Variants in CEP295 observed in about 807,000 individuals in gnomAD.
The protein encoded by CEP295 is centrosomal protein of 295 kDa.
Under a neutral mutation model 291.6 loss-of-function variants are expected in CEP295, and 190 were observed. The observed-to-expected ratio is 0.65, with a 90% CI of 0.58 to 0.73. The LOEUF (loss-of-function observed/expected upper bound fraction) is 0.73. Ranked by LOEUF, CEP295 falls within the 30% of genes least tolerant of loss-of-function variation. CEP295 has a pLI of 0.00. For synonymous variants in CEP295, 993 were observed against 1,038.8 expected (o/e 0.96, Z 0.85); for missense variants, 2,863 against 2,949.4 (o/e 0.97, Z 0.68).
intron 9 of CEP295, among the ~76,000 whole-genome samples, chr11:93,685,781 G>A (rs566552106): frequency 6.6e-6 from 1 of 152,248 alleles, no homozygotes; most frequent in East Asian, 1.9e-4. Context: ...CACGATCTTG[G>A]CTCACCACAA....
intron 1 of CEP295, among the ~76,000 whole-genome samples, chr11:93,662,009 G>C (rs759679268): frequency 6.6e-6 from 1 of 152,324 alleles, no homozygotes; most frequent in East Asian, 1.9e-4. Flanking sequence ...GAGGCTTTGC[G>C]CGCTCTCCTG....
chr11:93,695,122 T>C (rs1367414603), intron 12 of CEP295, among the ~76,000 whole-genome samples: 3 of 152,394 alleles, frequency 2.0e-5, no homozygotes, highest in East Asian at 3.9e-4. Flanking sequence ...ATTTAATTTC[T>C]TTAGTCATTA....
In CEP295 at chr11:93,700,006, A is replaced by G. The variant is rs1427685004; in HGVS notation, c.5094A>G (p.Ser1698=). The G allele has an allele frequency of 6.4e-7, 1 of 1,551,786 alleles. No individual in the cohort carries two copies. The highest frequency in any genetic ancestry group is 1.4e-5 in the African/African-American group (1 of 73,178). ...TTCAAGATAGACTTTTGAGTTTTTC[A>G]CAGTCTGTCTTAACTCAGCAAGATA... ...PGFQDRLLSF[S]QSVLTQQDNL... is the part of the protein sequence containing the mutation. The change falls in exon 15 of 30, where the codon TCA becomes TCG. Residue 1698 remains serine, a synonymous_variant. Transcript: ENST00000325212.
At chr11:93,720,442 C>A (rs994135612) in intron 18 of CEP295, among the ~76,000 whole-genome samples, 1 of 138,144 alleles carries the variant, frequency 7.2e-6, no homozygotes, top group African/African-American at 2.7e-5. Context: ...CCACTGCATT[C>A]CAGCCTGGGT....
intron 5 of CEP295, among the ~76,000 whole-genome samples, chr11:93,674,639 C>A (rs1165606055): frequency 4.6e-5 from 7 of 152,228 alleles, no homozygotes; most frequent in African/African-American, 1.7e-4. Flanking sequence ...ACCCACTTTT[C>A]TTGAGAAAGC....
chr11:93,718,015 G>T (rs545347924), intron 18 of CEP295, among the ~76,000 whole-genome samples: 9 of 152,182 alleles, frequency 5.9e-5, no homozygotes, highest in African/African-American at 1.4e-4. Context: ...AGGCTCAATT[G>T]ATCCTCCCAC....
chr11:93,681,055 A>G (rs1053103811), intron 7 of CEP295, among the ~76,000 whole-genome samples: 3 of 152,230 alleles, frequency 2.0e-5, no homozygotes, highest in Non-Finnish European at 4.4e-5. Context: ...TTAAACCTAT[A>G]GTAAAACAGA....
At chr11:93,728,167 A>G (rs1457724667) in intron 24 of CEP295, 1 of 155,052 alleles carries the variant, frequency 6.4e-6, no homozygotes, top group African/African-American at 2.4e-5. Flanking sequence ...TTCATCTAGC[A>G]GTATGTGCAG....
chr11:93,700,419 G>C, intron 15 of CEP295, among the ~76,000 whole-genome samples: 1 of 139,900 alleles, frequency 7.1e-6, no homozygotes, highest in South Asian at 2.3e-4. Context: ...ATTTTCTTTT[G>C]TTTTTGCTTT....
At chr11:93,724,162 G>A (rs1953965005) in intron 21 of CEP295, 92 bp from the exon 22 acceptor site, 2 of 1,202,278 alleles carry the variant, frequency 1.7e-6, no homozygotes, top group East Asian at 2.6e-5. Context: ...TTATGAATAT[G>A]TTCTTAATAC....
rs1464905624 is a variant in CEP295, at chr11:93,696,347, G to A, written c.1699G>A (p.Val567Ile). The A allele has an allele frequency of 3.7e-5, 57 of 1,550,446 alleles. No individual in the cohort carries two copies. The highest frequency in any genetic ancestry group is 4.8e-5 in the Non-Finnish European group (55 of 1,146,326). ...GVGIAPASCP[V>I]ISDEDSHRQM... ...TGGCATTGCTCCAGCATCATGCCCT[G>A]TAATTTCTGATGAAGATAGTCATAG... The change falls in exon 14 of 30, where the codon GTA becomes ATA. Residue 567 changes from valine to isoleucine, a missense_variant. By Grantham distance (29) the Val-to-Ile change is conservative. Transcript: ENST00000325212.
intron 1 of CEP295, among the ~76,000 whole-genome samples, chr11:93,662,607 T>C (rs1042567211): frequency 6.6e-6 from 1 of 152,126 alleles, no homozygotes; most frequent in African/African-American, 2.4e-5. Flanking sequence ...AATAAACAAG[T>C]AAATGGGGCA....
intron 19 of CEP295, 120 bp downstream of exon 19, chr11:93,721,532 T>C: frequency 1.3e-6 from 1 of 799,780 alleles, no homozygotes; most frequent in Non-Finnish European, 2.3e-6. Flanking sequence ...GATCTGCTTT[T>C]AGTGAAGTGG....
chr11:93,714,366 ACAGCCACC>A (rs1443578952), intron 18 of CEP295, among the ~76,000 whole-genome samples: 2 of 152,190 alleles, frequency 1.3e-5, no homozygotes, highest in South Asian at 2.1e-4. Context: ...ATCTCCTGCC[ACAGCCACC>A]CAAGTAGCTG....
At chr11:93,669,637 TCA>T in intron 4 of CEP295, 38 bp from the exon 5 acceptor site, 1 of 1,284,658 alleles carries the variant, frequency 7.8e-7, no homozygotes, top group Non-Finnish European at 1.1e-6. Context: ...TATAATATTA[TCA>T]CTGAGAGATT....
chr11:93,681,596 A>T (rs758892850), intron 7 of CEP295, among the ~76,000 whole-genome samples: 17 of 151,048 alleles, frequency 1.1e-4, no homozygotes, highest in Non-Finnish European at 2.2e-4. Flanking sequence ...TTATATTTTT[A>T]GTAGAGACAG....
rs1951899029 is a variant in CEP295 at position 93,697,445 on chromosome 11, G to A, written c.2533G>A (p.Gly845Ser). The A allele has an allele frequency of 1.3e-6, 2 of 1,552,168 alleles. No individual in the cohort carries two copies. Among genetic ancestry groups the A allele is most frequent in the South Asian group, 1.2e-5 (1 of 84,060 alleles). The change falls in exon 15 of 30, where the codon GGT becomes AGT. Residue 845 changes from glycine to serine, a missense_variant. Physicochemically the swap from Gly to Ser is moderately conservative, Grantham distance 56. Coordinates refer to ENST00000325212, the MANE Select transcript of CEP295 (RefSeq NM_033395.2). ...LPSENITAQQ[G>S]NMKALQEQLD... ...GTCAGAGAATATCACAGCCCAGCAA[G>A]GTAATATGAAGGCCCTCCAAGAACA...
At chr11:93,718,092 G>A (rs376388794) in intron 18 of CEP295, among the ~76,000 whole-genome samples, 2 of 152,038 alleles carry the variant, frequency 1.3e-5, no homozygotes, top group Non-Finnish European at 2.9e-5. Context: ...TTTAATTTTT[G>A]TAGAGACAGG....
chr11:93,701,863 A>C (rs923297500), intron 15 of CEP295, among the ~76,000 whole-genome samples: 19 of 152,118 alleles, frequency 1.2e-4, no homozygotes, highest in African/African-American at 4.6e-4. Context: ...CGGCCTCCCA[A>C]AGTGCTAGGA....
Sources: allele counts gnomAD v4.1 joint callset (sites outside exome capture counted in the v4.1 genomes callset), GRCh38; gene constraint gnomAD v4.1.1; transcripts MANE v1.5; gene names NCBI Gene and HGNC (gene_info 2026-07-23, HGNC 2026-07-21).